DDX10: variants seen among roughly 807,000 people sequenced by gnomAD.
DDX10 encodes probable ATP-dependent RNA helicase DDX10.
DDX10 carries 74 observed loss-of-function variants against 104.3 expected under a neutral mutation model. That is an observed-to-expected ratio of 0.71 (90% CI 0.59 to 0.86). The LOEUF (loss-of-function observed/expected upper bound fraction) is 0.86. Ranked by LOEUF, DDX10 falls within the 40% of genes least tolerant of loss-of-function variation. The probability of loss-of-function intolerance (pLI) is 0.00; values close to 1 mark genes in which losing one functional copy is unlikely to be tolerated. For synonymous variants in DDX10, 351 were observed against 353.4 expected (o/e 0.99, Z 0.08); for missense variants, 952 against 1,040.0 (o/e 0.92, Z 1.16).
At chr11:108,867,921 AAAT>A (rs1351530824) in intron 16 of DDX10, among the ~76,000 whole-genome samples, 2 of 152,164 alleles carry the variant, frequency 1.3e-5, no homozygotes, top group East Asian at 3.8e-4. Flanking sequence ...GACATCAAGG[AAAT>A]AATAACTTAT....
At chr11:108,937,869 G>A (rs1291207528) in intron 17 of DDX10, among the ~76,000 whole-genome samples, 1 of 152,116 alleles carries the variant, frequency 6.6e-6, no homozygotes. Flanking sequence ...CCATTACGTT[G>A]CACTGTCTTA....
intron 13 of DDX10, among the ~76,000 whole-genome samples, chr11:108,748,910 C>T (rs1487291407): frequency 6.6e-6 from 1 of 151,918 alleles, no homozygotes; most frequent in Non-Finnish European, 1.5e-5. Flanking sequence ...TTTAATCCTC[C>T]TGCCTTGGCC....
chr11:108,937,183 G>T (rs1864046864), intron 17 of DDX10, among the ~76,000 whole-genome samples: 1 of 152,128 alleles, frequency 6.6e-6, no homozygotes, highest in African/African-American at 2.4e-5. Context: ...AGTGTCTGCC[G>T]ATCTCGCGAG....
intron 16 of DDX10, among the ~76,000 whole-genome samples, chr11:108,911,107 T>C (rs988188663): frequency 6.6e-6 from 1 of 152,206 alleles, no homozygotes; most frequent in African/African-American, 2.4e-5. Flanking sequence ...GCTTTCATTT[T>C]AATGCTTATG....
chr11:108,816,362 T>TA (rs1298573967), intron 13 of DDX10, among the ~76,000 whole-genome samples: 1 of 152,222 alleles, frequency 6.6e-6, no homozygotes, highest in Non-Finnish European at 1.5e-5. Flanking sequence ...ATCTCTTGGA[T>TA]ATTTAATACC....
chr11:108,825,479 AT>A, intron 13 of DDX10, among the ~76,000 whole-genome samples: 1 of 152,330 alleles, frequency 6.6e-6, no homozygotes, highest in Non-Finnish European at 1.5e-5. Flanking sequence ...GAATGTTCGT[AT>A]TGGCAGTATC....
intron 6 of DDX10, among the ~76,000 whole-genome samples, chr11:108,682,233 C>T (rs1488293468): frequency 6.6e-6 from 1 of 152,024 alleles, no homozygotes; most frequent in African/African-American, 2.4e-5. Flanking sequence ...GCTTCCCGAG[C>T]AGCTGGGATT....
At chr11:108,769,151 G>C (rs2094359844) in intron 13 of DDX10, among the ~76,000 whole-genome samples, 1 of 150,712 alleles carries the variant, frequency 6.6e-6, no homozygotes, top group East Asian at 1.9e-4. Flanking sequence ...TCCTGTGTCT[G>C]AGGATTCATC....
At chr11:108,816,731 T>C (rs1163722062) in intron 13 of DDX10, among the ~76,000 whole-genome samples, 2 of 152,086 alleles carry the variant, frequency 1.3e-5, no homozygotes, top group Admixed American at 1.3e-4. Context: ...TTTTGTGTTT[T>C]TTAGTAGAGA....
intron 13 of DDX10, among the ~76,000 whole-genome samples, chr11:108,738,901 A>G (rs566728242): frequency 1.3e-5 from 2 of 152,268 alleles, no homozygotes; most frequent in East Asian, 1.9e-4. Flanking sequence ...CAGGGGCCAC[A>G]TGGAGACAGG....
intron 16 of DDX10, among the ~76,000 whole-genome samples, chr11:108,897,642 T>G (rs998796963): frequency 1.7e-4 from 26 of 152,124 alleles, no homozygotes; most frequent in African/African-American, 6.0e-4. Context: ...GGCAGGTAGT[T>G]TGAACGTACA....
At chr11:108,779,363 A>G (rs1048783127) in intron 13 of DDX10, among the ~76,000 whole-genome samples, 16 of 152,230 alleles carry the variant, frequency 1.1e-4, no homozygotes, top group Non-Finnish European at 2.1e-4. Flanking sequence ...AGCCATAAAA[A>G]AGGATGAGTT....
chr11:108,724,204 T>C (rs1007153769), intron 13 of DDX10, among the ~76,000 whole-genome samples: 1 of 152,028 alleles, frequency 6.6e-6, no homozygotes, highest in Non-Finnish European at 1.5e-5. Flanking sequence ...TTGAATAAAA[T>C]TTCAAGATTC....
At chr11:108,756,743 A>C (rs147120229) in intron 13 of DDX10, among the ~76,000 whole-genome samples, 4 of 152,148 alleles carry the variant, frequency 2.6e-5, no homozygotes, top group Non-Finnish European at 5.9e-5. Flanking sequence ...TAGTGTTCTC[A>C]TGTTTCAGAA....
intron 16 of DDX10, among the ~76,000 whole-genome samples, chr11:108,865,827 C>T (rs1233766792): frequency 3.9e-5 from 6 of 152,062 alleles, no homozygotes; most frequent in Admixed American, 1.3e-4. Flanking sequence ...TCTAAGGAAC[C>T]CACAGTCTAG....
At chr11:108,888,355 TC>T (rs1239044985) in intron 16 of DDX10, among the ~76,000 whole-genome samples, 1 of 152,060 alleles carries the variant, frequency 6.6e-6, no homozygotes, top group African/African-American at 2.4e-5. Context: ...CAATATATAT[TC>T]CCCCCTTCCA....
chr11:108,815,856 CAG>C lies in DDX10; in HGVS notation c.1966-22587_1966-22586del, dbSNP rs1862247946. On this transcript the variant is annotated intron_variant, in intron 13 of 17. Transcript: ENST00000322536. ...AAATCTGGACCTTCATCATGAAAGT[CAG>C]AGGATGAGGAAGAGAATTCCTTGAA... Among the ~76,000 whole-genome samples the C allele has an allele frequency of 4.6e-5, 7 of 152,260 alleles. No homozygotes were observed. In the South Asian group the frequency reaches 1.5e-3, roughly 32 times the overall value.
At chr11:108,852,677 A>G (rs1404110117) in intron 16 of DDX10, among the ~76,000 whole-genome samples, 1 of 152,150 alleles carries the variant, frequency 6.6e-6, no homozygotes, top group Admixed American at 6.6e-5. Context: ...TCCCACTTTT[A>G]CTATATTCTG....
intron 16 of DDX10, among the ~76,000 whole-genome samples, chr11:108,890,527 A>G (rs1251376571): frequency 2.0e-5 from 3 of 151,720 alleles, no homozygotes; most frequent in African/African-American, 7.3e-5. Context: ...CATTGCTTCA[A>G]CATGGTACTT....
Sources: gnomAD v4.1 joint callset for allele counts (sites outside exome capture counted in the v4.1 genomes callset) on GRCh38, gnomAD v4.1.1 for gene constraint, MANE v1.5 for transcripts, NCBI Gene and HGNC (gene_info 2026-07-23, HGNC 2026-07-21) for gene names.